PPP2R5C: variants seen among roughly 807,000 people sequenced by gnomAD.
The protein encoded by PPP2R5C is serine/threonine-protein phosphatase 2A 56 kDa regulatory subunit gamma isoform.
Under a neutral mutation model 68.9 loss-of-function variants are expected in PPP2R5C, and 7 were observed. The observed-to-expected ratio is 0.10, with a 90% confidence interval of 0.06 to 0.19. The LOEUF is 0.19. Among genes scored for constraint, PPP2R5C ranks in the 10% least tolerant of loss-of-function variants. The probability of loss-of-function intolerance (pLI) is 1.00; values close to 1 mark genes in which losing one functional copy is unlikely to be tolerated. For missense variants in PPP2R5C, 348 were observed against 641.3 expected (o/e 0.54, Z 4.94); for synonymous variants, 210 against 222.2 (o/e 0.95, Z 0.49).
chr14:101,887,066 GT>G (rs1325736417), intron 5 of PPP2R5C, among the ~76,000 whole-genome samples: 1 of 152,194 alleles, frequency 6.6e-6, no homozygotes, highest in East Asian at 1.9e-4. Context: ...GAACAGCTGT[GT>G]CTTGTAAGAA....
intron 3 of PPP2R5C, among the ~76,000 whole-genome samples, chr14:101,787,572 G>T (rs1049819707): frequency 2.2e-4 from 32 of 147,408 alleles, no homozygotes; most frequent in Admixed American, 8.9e-4. Flanking sequence ...GACCATCCTG[G>T]CTAACATGGT....
At chr14:101,787,586 AC>A (rs201581949) in intron 3 of PPP2R5C, among the ~76,000 whole-genome samples, 30,700 of 151,678 alleles carry the variant, frequency 0.2, 3,685 homozygotes, top group African/African-American at 0.33. Context: ...ACATGGTGAA[AC>A]CCCGTCTCTA....
chr14:101,860,293 A>G (rs1488602685), intron 2 of PPP2R5C, among the ~76,000 whole-genome samples: 1 of 152,158 alleles, frequency 6.6e-6, no homozygotes, highest in Non-Finnish European at 1.5e-5. Flanking sequence ...AAGTGGAATT[A>G]CAGAATATGT....
chr14:101,880,431 G>C (rs1160506097), intron 2 of PPP2R5C, among the ~76,000 whole-genome samples: 1 of 152,164 alleles, frequency 6.6e-6, no homozygotes, highest in Non-Finnish European at 1.5e-5. Context: ...TTGATGCTCA[G>C]AGCTTTTATA....
chr14:101,831,736 A>G (rs1333370005), intron 1 of PPP2R5C: 3 of 702,268 alleles, frequency 4.3e-6, no homozygotes, highest in Non-Finnish European at 7.8e-6. Context: ...CTATGTATAC[A>G]GAGGGCCAAC....
chr14:101,761,452 G>T (rs1243976612), upstream of PPP2R5C, among the ~76,000 whole-genome samples: 2 of 151,148 alleles, frequency 1.3e-5, no homozygotes, highest in Non-Finnish European at 3.0e-5. Context: ...GGCTCGCAGC[G>T]ACTCGGGACG....
At chr14:101,810,578 T>C (rs2039302923) in intron 1 of PPP2R5C, among the ~76,000 whole-genome samples, 1 of 152,230 alleles carries the variant, frequency 6.6e-6, no homozygotes, top group Non-Finnish European at 1.5e-5. Context: ...AGAAATATGC[T>C]CCACTTTGAA....
rs200862958 is a variant in PPP2R5C, at chr14:101,900,969, C to T, written c.853-750C>T. On this transcript the variant is annotated intron_variant, in intron 8 of 13. Transcript: ENST00000334743. Reference sequence around the variant, plus strand: ...CACAGAGAGCACAGTACGCCCTGCCCGGGAGGTCCCATCGCAGTACCTGTG... The same window carrying T: ...CACAGAGAGCACAGTACGCCCTGCCTGGGAGGTCCCATCGCAGTACCTGTG... 1.2e-4 allele frequency among the ~76,000 whole-genome samples: 19 copies of T among 152,338 alleles called. No individual in the cohort carries two copies. In the East Asian group the frequency reaches 3.1e-3, roughly 25 times the overall value.
At chr14:101,826,898 G>A (rs779337663) in intron 1 of PPP2R5C, among the ~76,000 whole-genome samples, 141 of 146,168 alleles carry the variant, frequency 9.6e-4, no homozygotes, top group Non-Finnish European at 1.6e-3. Flanking sequence ...ATCCCTGGTT[G>A]TATTGTAAAA....
upstream of PPP2R5C, chr14:101,761,687 T>TGCCGCCGCCGCCGCCGCCGCCGCCGCC (rs1172580916): frequency 9.1e-6 from 2 of 219,766 alleles, no homozygotes; most frequent in Non-Finnish European, 1.4e-5. Flanking sequence ...ACGCCGCCGC[T>TGCCGCCGCCGCCGCCGCCGCCGCCGCC]GCCGCCGCCG....
intron 7 of PPP2R5C, 144 bp downstream of exon 9, chr14:101,893,252 G>T: frequency 5.3e-6 from 3 of 563,506 alleles, no homozygotes; most frequent in Non-Finnish European, 9.4e-6. Flanking sequence ...GGTGATAATC[G>T]AAAGAATAAG....
chr14:101,786,413 C>T (rs1250512798), intron 3 of PPP2R5C, among the ~76,000 whole-genome samples: 1 of 151,768 alleles, frequency 6.6e-6, no homozygotes, highest in Non-Finnish European at 1.5e-5. Flanking sequence ...ACAGTATAGG[C>T]ATAATACACT....
At chr14:101,793,584 G>A (rs551996835) in intron 3 of PPP2R5C, among the ~76,000 whole-genome samples, 71 of 152,292 alleles carry the variant, frequency 4.7e-4, no homozygotes, top group South Asian at 8.3e-4. Context: ...CCATGGCAGC[G>A]TCTTCAGGGG....
At chr14:101,830,341 A>G (rs1044806654) in intron 1 of PPP2R5C, among the ~76,000 whole-genome samples, 17 of 152,272 alleles carry the variant, frequency 1.1e-4, no homozygotes, top group African/African-American at 3.6e-4. Flanking sequence ...GACAAGACAC[A>G]GAGTTTCACT....
chr14:101,922,682 G>A (rs572763274), intron 13 of PPP2R5C, among the ~76,000 whole-genome samples: 3 of 151,650 alleles, frequency 2.0e-5, no homozygotes, highest in African/African-American at 7.3e-5. Flanking sequence ...AGCCAGGCAT[G>A]TGGTGCGTGC....
chr14:101,833,928 T>C (rs1595310835), intron 1 of PPP2R5C, among the ~76,000 whole-genome samples: 1 of 152,076 alleles, frequency 6.6e-6, no homozygotes, highest in African/African-American at 2.4e-5. Flanking sequence ...CAGCCTCCCA[T>C]GTAGCTGGGA....
intron 13 of PPP2R5C, among the ~76,000 whole-genome samples, chr14:101,919,757 C>G (rs570413001): frequency 6.6e-6 from 1 of 152,262 alleles, no homozygotes; most frequent in East Asian, 1.9e-4. Context: ...CACCTGTGCT[C>G]AGGAGTTTGA....
At position 101,916,615 on chromosome 14, in the gene PPP2R5C, C is replaced by G. The variant is rs2046684223; in HGVS notation, c.1327-1216C>G. Among the ~76,000 whole-genome samples, 2 of 152,012 alleles carry G rather than the reference C, an allele frequency of 1.3e-5. 1 individual carries two copies. The highest frequency in any genetic ancestry group is 6.8e-3 in the Middle Eastern group (2 of 294). On this transcript the variant is annotated intron_variant, in intron 12 of 13. Transcript: ENST00000334743. This position sits in a 1 kb window ranked among gnomAD's most constrained non-coding sequence, Gnocchi z 5.5. ...CCAGAGGGCACCCATAGGCCTCATG[C>G]CAGAGGTGGCTCCGTCAGAGGATGA...
chr14:101,780,383 C>T (rs997793553), intron 2 of PPP2R5C, among the ~76,000 whole-genome samples: 1 of 152,108 alleles, frequency 6.6e-6, no homozygotes, highest in East Asian at 1.9e-4. Flanking sequence ...CAGGTTGTTC[C>T]CATACGTTTG....
Sources: allele counts gnomAD v4.1 joint callset (sites outside exome capture counted in the v4.1 genomes callset), GRCh38; gene constraint gnomAD v4.1.1; non-coding constraint Gnocchi (gnomAD v3.1); transcripts MANE v1.5; gene names NCBI Gene and HGNC (gene_info 2026-07-23, HGNC 2026-07-21).